The following AKAIN1 variants were observed in gnomAD, a reference collection of about 807,000 sequenced individuals.
AKAIN1 encodes the protein A-kinase anchor inhibitor 1.
Under a neutral mutation model 3.7 loss-of-function variants are expected in AKAIN1, and 3 were observed. The observed-to-expected ratio is 0.82, with a 90% CI of 0.37 to 2.12. The LOEUF (loss-of-function observed/expected upper bound fraction) is 2.12, where lower values mean the gene tolerates loss of function less well. AKAIN1 is among the 30% of genes most tolerant of loss of function. The probability of loss-of-function intolerance (pLI) is 0.06; values close to 1 mark genes in which losing one functional copy is unlikely to be tolerated. For missense variants in AKAIN1, 82 were observed against 82.7 expected (o/e 0.99, Z 0.03); for synonymous variants, 31 against 30.8 (o/e 1.01, Z -0.02).
rs546477850 is a variant in AKAIN1, at chr18:5,191,165, T to C, written c.16+5873A>G. ...TTATTACTCCTATTTAATATTGTAC[T>C]AGAAGCACTAGTCTGTACAAAAAGG... On this transcript the variant is annotated intron_variant, in intron 1 of 1. Transcript: ENST00000434239. 5.3e-4 allele frequency among the ~76,000 whole-genome samples: 80 copies of C among 152,292 alleles called. 2 individuals carry two copies. The highest frequency in any genetic ancestry group is 1.8e-3 in the African/African-American group (75 of 41,574).
intron 1 of AKAIN1, among the ~76,000 whole-genome samples, chr18:5,181,994 A>G (rs896471935): frequency 6.6e-6 from 1 of 152,128 alleles, no homozygotes; most frequent in Non-Finnish European, 1.5e-5. Flanking sequence ...GTTCATCCTC[A>G]TACCTAAACG....
chr18:5,157,327 T>C (rs557051304), intron 1 of AKAIN1, among the ~76,000 whole-genome samples: 1 of 152,334 alleles, frequency 6.6e-6, no homozygotes, highest in Non-Finnish European at 1.5e-5. Flanking sequence ...CTGCACAAAA[T>C]GGAAAATATA....
chr18:5,196,956 A>G (rs2071351407), intron 1 of AKAIN1, 82 bp downstream of exon 1: 1 of 1,228,970 alleles, frequency 8.1e-7, no homozygotes, highest in African/African-American at 1.5e-5. Flanking sequence ...CGTAAGGTAA[A>G]GAGGCCTTTT....
chr18:5,181,934 T>C (rs1362561493), intron 1 of AKAIN1, among the ~76,000 whole-genome samples: 1 of 152,130 alleles, frequency 6.6e-6, no homozygotes, highest in Non-Finnish European at 1.5e-5. Context: ...CATAATGCAC[T>C]ATACCCTCAC....
chr18:5,191,575 A>G (rs1693789940), intron 1 of AKAIN1, among the ~76,000 whole-genome samples: 1 of 152,156 alleles, frequency 6.6e-6, no homozygotes, highest in South Asian at 2.1e-4. Context: ...ACACTGATCC[A>G]TAGATTTCAG....
intron 1 of AKAIN1, among the ~76,000 whole-genome samples, chr18:5,186,225 G>A (rs9960830): frequency 0.31 from 47,364 of 151,804 alleles, 7,421 homozygotes; most frequent in East Asian, 0.35. Flanking sequence ...CTACTTGAGG[G>A]TGGAGAGTGG....
At chr18:5,174,383 T>C (rs2071214158) in intron 1 of AKAIN1, among the ~76,000 whole-genome samples, 1 of 152,074 alleles carries the variant, frequency 6.6e-6, no homozygotes, top group South Asian at 2.1e-4. Context: ...TATCAGCAAA[T>C]TGATGGCAAA....
rs533790073 is a variant in AKAIN1 at position 5,173,566 on chromosome 18, A to G, written c.16+23472T>C. Reference sequence around the variant, plus strand: ...TTGTTTTTCTTGGTTCTGTGCCTAAACTCATTCAGCGCCCCAGAGGGCAGG... The same window carrying G: ...TTGTTTTTCTTGGTTCTGTGCCTAAGCTCATTCAGCGCCCCAGAGGGCAGG... On this transcript the variant is annotated intron_variant, in intron 1 of 1. Transcript: ENST00000434239. Among the ~76,000 whole-genome samples, 11 of 152,252 alleles carry G rather than the reference A, an allele frequency of 7.2e-5. No individual in the cohort carries two copies. The East Asian group carries it at 2.1e-3, about 29-fold the overall frequency.
At chr18:5,176,599 G>T (rs1286500167) in intron 1 of AKAIN1, among the ~76,000 whole-genome samples, 1 of 152,150 alleles carries the variant, frequency 6.6e-6, no homozygotes, top group Admixed American at 6.6e-5. Context: ...TTTCCTGAAT[G>T]TTTGGTGCCT....
intron 1 of AKAIN1, among the ~76,000 whole-genome samples, chr18:5,174,200 C>T (rs2071213129): frequency 6.6e-6 from 1 of 152,066 alleles, no homozygotes; most frequent in Non-Finnish European, 1.5e-5. Flanking sequence ...AGGACCATTG[C>T]CTAGGGAGAT....
intron 1 of AKAIN1, among the ~76,000 whole-genome samples, chr18:5,176,916 G>A (rs1355120691): frequency 6.6e-6 from 1 of 151,990 alleles, no homozygotes; most frequent in Non-Finnish European, 1.5e-5. Flanking sequence ...TATACAGTCT[G>A]GAAAGTCTTC....
At chr18:5,166,673 C>T (rs2071169583) in intron 1 of AKAIN1, among the ~76,000 whole-genome samples, 1 of 152,072 alleles carries the variant, frequency 6.6e-6, no homozygotes, top group South Asian at 2.1e-4. Context: ...AAGGTCAGAA[C>T]CTGATTTAGT....
Position 5,188,788 on chromosome 18 carries a change from C to G in AKAIN1, c.16+8250G>C, listed in dbSNP as rs565388187. On this transcript the variant is annotated intron_variant, in intron 1 of 1. Transcript: ENST00000434239. ...ATACCAAAGAACTCCCCCAAACTCC[C>G]CTACCCAATATAAACCCCTCATTTT... is the stretch of plus-strand genomic sequence containing the variant. Among the ~76,000 whole-genome samples the G allele has an allele frequency of 1.4e-3, 218 of 152,224 alleles. 1 individual carries two copies. The highest frequency in any genetic ancestry group is 5.0e-3 in the African/African-American group (206 of 41,544).
intron 1 of AKAIN1, among the ~76,000 whole-genome samples, chr18:5,193,415 C>A (rs2071332557): frequency 6.6e-6 from 1 of 152,136 alleles, no homozygotes; most frequent in Non-Finnish European, 1.5e-5. Flanking sequence ...ATATATTAAT[C>A]ATGAAAGAAA....
At chr18:5,159,286 T>TTCACCCTGTGTC (rs1479809812) in intron 1 of AKAIN1, 3 of 152,110 alleles carry the variant, frequency 2.0e-5, no homozygotes, top group South Asian at 2.1e-4. Flanking sequence ...TGTCACGTGT[T>TTCACCCTGTGTC]TCACCCTGTG....
intron 1 of AKAIN1, among the ~76,000 whole-genome samples, chr18:5,182,002 A>T (rs916649264): frequency 2.6e-5 from 4 of 152,048 alleles, no homozygotes; most frequent in Admixed American, 1.3e-4. Flanking sequence ...TCATACCTAA[A>T]CGTATTCAGC....
intron 1 of AKAIN1, among the ~76,000 whole-genome samples, chr18:5,146,223 C>T (rs973556497): frequency 6.6e-6 from 1 of 152,112 alleles, no homozygotes; most frequent in Non-Finnish European, 1.5e-5. Flanking sequence ...AGACCGTTGC[C>T]CTTTCGCACC....
Position 5,196,896 on chromosome 18 carries a change from C to A in AKAIN1, c.16+142G>T. 5.2e-6 allele frequency: 4 copies of A among 774,934 alleles called. No homozygotes were observed. The South Asian group carries it at 6.5e-5, about 13-fold the overall frequency. 48.0% of individuals were successfully genotyped at this position (774,934 alleles called of 1,614,324 possible). ...GGGGCGAAGGCGACGCGCCGAGGCACTCCTCCGCCCCATGAGCACAGACAG... is the reference window on the plus strand; with the variant it reads ...GGGGCGAAGGCGACGCGCCGAGGCAATCCTCCGCCCCATGAGCACAGACAG... On this transcript the variant is annotated intron_variant, in intron 1 of 1. Transcript: ENST00000434239.
intron 1 of AKAIN1, among the ~76,000 whole-genome samples, chr18:5,193,846 A>G (rs544981009): frequency 1.3e-5 from 2 of 152,312 alleles, no homozygotes; most frequent in East Asian, 3.9e-4. Flanking sequence ...CACAGCCTAA[A>G]TAACCTGGAT....
Sources: allele counts gnomAD v4.1 joint callset (sites outside exome capture counted in the v4.1 genomes callset), GRCh38; gene constraint gnomAD v4.1.1; transcripts MANE v1.5; gene names NCBI Gene and HGNC (gene_info 2026-07-23, HGNC 2026-07-21).